ZNF536: variants seen among roughly 807,000 people sequenced by gnomAD.
ZNF536 encodes the protein zinc finger protein 536.
ZNF536 carries 13 observed loss-of-function variants against 84.5 expected under a neutral mutation model. That is an observed-to-expected ratio of 0.15 (90% confidence interval 0.10 to 0.24). ZNF536 has a LOEUF of 0.24. Among genes scored for constraint, ZNF536 ranks in the 10% least tolerant of loss-of-function variants. The probability of loss-of-function intolerance (pLI) is 1.00; values close to 1 mark genes in which losing one functional copy is unlikely to be tolerated. For synonymous variants in ZNF536, 811 were observed against 742.5 expected (o/e 1.09, Z -1.50); for missense variants, 1,536 against 1,747.5 (o/e 0.88, Z 2.16).
chr19:30,434,614 A>G (rs1481394092), intron 1 of ZNF536, among the ~76,000 whole-genome samples: 1 of 152,262 alleles, frequency 6.6e-6, no homozygotes, highest in Non-Finnish European at 1.5e-5. Context: ...GTATAAGGCT[A>G]ACATGAGACA....
intron 1 of ZNF536, among the ~76,000 whole-genome samples, chr19:30,604,199 A>G (rs1321613832): frequency 6.6e-6 from 1 of 152,236 alleles, no homozygotes; most frequent in African/African-American, 2.4e-5. Flanking sequence ...GATGTACTGA[A>G]TGACTGGTAA....
intron 2 of ZNF536, among the ~76,000 whole-genome samples, chr19:30,469,152 C>T (rs10421093): frequency 0.33 from 50,324 of 152,004 alleles, 10,830 homozygotes; most frequent in African/African-American, 0.6. Flanking sequence ...CGGTAGCTCA[C>T]GCCTGTAATC....
intron 1 of ZNF536, among the ~76,000 whole-genome samples, chr19:30,615,607 T>A (rs2048266098): frequency 6.6e-6 from 1 of 152,164 alleles, no homozygotes; most frequent in Non-Finnish European, 1.5e-5. Flanking sequence ...TTATTTTATG[T>A]GATATTTAAT....
chr19:30,317,633 G>A (rs938931868), intron 2 of ZNF536, among the ~76,000 whole-genome samples: 4 of 152,218 alleles, frequency 2.6e-5, no homozygotes, highest in Admixed American at 6.5e-5. Context: ...GACCATTTGC[G>A]CCTGGCTGCT....
At chr19:30,301,298 TAGGA>T (rs879582678) in intron 2 of ZNF536, among the ~76,000 whole-genome samples, 4 of 152,074 alleles carry the variant, frequency 2.6e-5, no homozygotes, top group Non-Finnish European at 4.4e-5. Context: ...TCTGAGGAAA[TAGGA>T]AGCTGAGGTG....
intron 1 of ZNF536, among the ~76,000 whole-genome samples, chr19:30,622,025 C>T (rs1009360417): frequency 6.6e-6 from 1 of 152,196 alleles, no homozygotes; most frequent in Non-Finnish European, 1.5e-5. Context: ...TAAATGGAAA[C>T]CTTTAGTAAT....
At chr19:30,560,885 C>T (rs760343203), downstream of ZNF536, among the ~76,000 whole-genome samples, 4 of 152,230 alleles carry the variant, frequency 2.6e-5, no homozygotes, top group East Asian at 1.9e-4. Flanking sequence ...ATTGTCTCTG[C>T]GTAAGCAGAT....
chr19:30,575,951 G>A (rs1373543117), intron 1 of ZNF536, among the ~76,000 whole-genome samples: 2 of 152,218 alleles, frequency 1.3e-5, no homozygotes, highest in African/African-American at 4.8e-5. Flanking sequence ...GAGCGACTCC[G>A]GCAGAGGCCA....
At chr19:30,582,062 C>G (rs578042774) in intron 1 of ZNF536, among the ~76,000 whole-genome samples, 5 of 152,152 alleles carry the variant, frequency 3.3e-5, no homozygotes, top group Non-Finnish European at 4.4e-5. Flanking sequence ...GGTGAGGGTC[C>G]GCGGTCCTGC....
intron 2 of ZNF536, among the ~76,000 whole-genome samples, chr19:30,477,609 AT>A (rs1373942766): frequency 2.6e-5 from 4 of 152,150 alleles, no homozygotes; most frequent in African/African-American, 9.7e-5. Context: ...CAACCCAGTA[AT>A]TTGTTTGGAG....
chr19:30,708,451 G>T (rs538727510), intron 1 of ZNF536, among the ~76,000 whole-genome samples: 1 of 152,236 alleles, frequency 6.6e-6, no homozygotes, highest in African/African-American at 2.4e-5. Context: ...TCCTTTGGAG[G>T]CCAGTGGCCA....
chr19:30,465,493 C>T (rs548534897), intron 2 of ZNF536, among the ~76,000 whole-genome samples: 121 of 152,294 alleles, frequency 7.9e-4, no homozygotes, highest in African/African-American at 2.6e-3. Context: ...CTGGTGTGAG[C>T]GCCAGGAGAG....
chr19:30,317,092 G>A (rs1180274547), intron 2 of ZNF536, among the ~76,000 whole-genome samples: 1 of 152,188 alleles, frequency 6.6e-6, no homozygotes, highest in Admixed American at 6.5e-5. Flanking sequence ...ATAGCCTGTA[G>A]TTCAATAACT....
chr19:30,663,385 G>A (rs1457723422), intron 1 of ZNF536, among the ~76,000 whole-genome samples: 1 of 152,024 alleles, frequency 6.6e-6, no homozygotes, highest in African/African-American at 2.4e-5. Flanking sequence ...TGCAGGATAT[G>A]GTATATGCAT....
At chr19:30,398,458 T>C (rs2049913306) in intron 1 of ZNF536, among the ~76,000 whole-genome samples, 1 of 151,874 alleles carries the variant, frequency 6.6e-6, no homozygotes, top group Non-Finnish European at 1.5e-5. Context: ...GTTACATAGG[T>C]ATACACACGC....
intron 2 of ZNF536, among the ~76,000 whole-genome samples, chr19:30,292,291 C>T (rs924703833): frequency 1.3e-5 from 2 of 151,802 alleles, no homozygotes; most frequent in Non-Finnish European, 2.9e-5. Flanking sequence ...TGAACAAAAT[C>T]ATTTGAAGAT....
At position 30,441,632 on chromosome 19, in the gene ZNF536, G is replaced by A. The variant is rs150255388; in HGVS notation, c.-2-1929G>A. Among the ~76,000 whole-genome samples, 368 of 152,284 alleles carry A rather than the reference G, an allele frequency of 2.4e-3. 2 individuals are homozygous for A. The highest frequency in any genetic ancestry group is 8.5e-3 in the African/African-American group (354 of 41,556). ...TCTGACCAACCTCCAAAATGGGCCC[G>A]CGTATTTTAAAAAAATTTGAGTGTA... On this transcript the variant is annotated intron_variant, in intron 1 of 4. Coordinates refer to ENST00000355537, the MANE Select transcript of ZNF536 (RefSeq NM_014717.3).
At chr19:30,276,946 A>G (rs1322113422) in intron 1 of ZNF536, among the ~76,000 whole-genome samples, 1 of 152,224 alleles carries the variant, frequency 6.6e-6, no homozygotes, top group African/African-American at 2.4e-5. Context: ...TTTGCACAAC[A>G]AGCAGGTTAC....
At chr19:30,404,091 A>C (rs1379632510) in intron 1 of ZNF536, among the ~76,000 whole-genome samples, 1 of 128,960 alleles carries the variant, frequency 7.8e-6, no homozygotes, top group Middle Eastern at 5.2e-3. Flanking sequence ...GTTCCATCCC[A>C]CGTTTCTTAT....
Sources: gnomAD v4.1 joint callset for allele counts (sites outside exome capture counted in the v4.1 genomes callset) on GRCh38, gnomAD v4.1.1 for gene constraint, MANE v1.5 for transcripts, NCBI Gene and HGNC (gene_info 2026-07-23, HGNC 2026-07-21) for gene names.